GUCA1B: variants seen among roughly 807,000 people sequenced by gnomAD.
GUCA1B encodes the protein guanylate cyclase activator 1B, also known as guanylyl cyclase-activating protein 2.
Under a neutral mutation model 24.2 loss-of-function variants are expected in GUCA1B, and 22 were observed. The ratio of observed to expected loss-of-function variants is 0.91; its 90% confidence interval spans 0.65 to 1.30. The LOEUF (loss-of-function observed/expected upper bound fraction) is 1.30. GUCA1B is among the 50% of genes most tolerant of loss of function. The pLI is 0.00. For synonymous variants in GUCA1B, 100 were observed against 97.9 expected (o/e 1.02, Z -0.13); for missense variants, 221 against 258.8 (o/e 0.85, Z 1.00).
At chr6:42,192,924 G>C (rs931032901) in intron 1 of GUCA1B, among the ~76,000 whole-genome samples, 1 of 151,806 alleles carries the variant, frequency 6.6e-6, no homozygotes, top group Non-Finnish European at 1.5e-5. Flanking sequence ...AGGGATAAAC[G>C]GGCATGATAT....
rs1386007227 is a variant in GUCA1B at position 42,194,794 on chromosome 6, C to T, written c.27G>A (p.Glu9=). The T allele has an allele frequency of 3.2e-6, 5 of 1,573,914 alleles. No homozygotes were observed. Among genetic ancestry groups the T allele is most frequent in the Non-Finnish European group, 4.3e-6 (5 of 1,159,516 alleles). The change falls in exon 1 of 4, where the codon GAG becomes GAA. Residue 9 remains glutamate (E), a synonymous_variant. Coordinates refer to ENST00000230361, the MANE Select transcript of GUCA1B (RefSeq NM_002098.6). ...CATCTATCTCGCCAGCTGCCTCCGC[C>T]TCCTCCCAGCTAAACTCCTGCCCCA... The part of the protein sequence containing the change: MGQEFSWE[E]AEAAGEIDVA...
chr6:42,190,516 T>C (rs1177884866), intron 1 of GUCA1B, among the ~76,000 whole-genome samples: 2 of 152,106 alleles, frequency 1.3e-5, no homozygotes, highest in Non-Finnish European at 2.9e-5. Context: ...CACTTAGCAA[T>C]GGTTGTCAGT....
rs756486861 is a variant in GUCA1B, at chr6:42,188,720, G to A, written c.219C>T (p.Ile73=). The A allele has an allele frequency of 8.1e-6, 13 of 1,613,676 alleles. No individual in the cohort carries two copies. The Admixed American group carries it at 8.3e-5, about 10-fold the overall frequency. ...GAGCTGCCACGTACTCCAGGAAGTCGATGGTGTTGTCCTGCATTAGATGTG... is the reference window on the plus strand; with the variant it reads ...GAGCTGCCACGTACTCCAGGAAGTCAATGGTGTTGTCCTGCATTAGATGTG... The part of the protein sequence containing the change: ...RAFDKNGDNT[I]DFLEYVAALN... The change falls in exon 2 of 4, where the codon ATC becomes ATT. Residue 73 remains isoleucine (I), a synonymous_variant. Transcript: ENST00000230361.
chr6:42,188,160 A>G lies in GUCA1B; in HGVS notation c.357+422T>C, dbSNP rs116184957. On this transcript the variant is annotated intron_variant, in intron 2 of 3. Transcript: ENST00000230361. The stretch of plus-strand genomic sequence containing the variant: ...TGCACCCAGCTTCTGTTTCCAAAAT[A>G]TATGCATTTTAAGTCTTATTTTCTA... Among the ~76,000 whole-genome samples the G allele has an allele frequency of 3.3e-3, 500 of 152,252 alleles. 4 individuals are homozygous for G. The highest frequency in any genetic ancestry group is 8.5e-3 in the South Asian group (41 of 4,826).
intron 1 of GUCA1B, among the ~76,000 whole-genome samples, chr6:42,191,487 G>A (rs1582333808): frequency 6.6e-6 from 1 of 152,166 alleles, no homozygotes; most frequent in African/African-American, 2.4e-5. Context: ...ATGGAGTCAG[G>A]TGTAGGTTTG....
chr6:42,194,701 A>T lies in GUCA1B; in HGVS notation c.120T>A (p.His40Gln). The change falls in exon 1 of 4, where the codon CAT (histidine) becomes CAA (glutamine). Residue 40 changes from histidine (H) to glutamine (Q), a missense_variant. By Grantham distance (24) the His-to-Gln change is conservative. Transcript: ENST00000230361. ...MECPSGTLFM[H>Q]EFKRFFKVTD... ...TGACCTTGAAGAAGCGCTTAAACTCATGCATAAAGAGTGTGCCGCTGGGGC... is the reference window on the plus strand; with the variant it reads ...TGACCTTGAAGAAGCGCTTAAACTCTTGCATAAAGAGTGTGCCGCTGGGGC... 1 of 1,613,298 alleles carries T rather than the reference A, an allele frequency of 6.2e-7. No individual in the cohort carries two copies. Among genetic ancestry groups the T allele is most frequent in the Non-Finnish European group, 8.5e-7 (1 of 1,179,262 alleles).
rs532491358 is a variant in GUCA1B at position 42,194,849 on chromosome 6, G to C, written c.-29C>G. 3 of 1,493,702 alleles carry C rather than the reference G, an allele frequency of 2.0e-6. No individual in the cohort carries two copies. In the South Asian group the frequency reaches 3.6e-5, roughly 18 times the overall value. The allele number at this position is 1,493,702 out of a possible 1,614,324, so 92.5% of individuals were successfully genotyped here. A position where few individuals can be genotyped will look rare whatever the true frequency, so the allele number is the denominator to read the frequency against. On this transcript the variant is annotated 5_prime_UTR_variant, in exon 1 of 4. Coordinates refer to ENST00000230361, the MANE Select transcript of GUCA1B (RefSeq NM_002098.6). ...AGCCCTGAGGAGCATCAGGGAGCAA[G>C]GGTCTGTATCTCCTCCCTGGCTTCT...
intron 2 of GUCA1B, among the ~76,000 whole-genome samples, chr6:42,188,293 C>CGTGTGTGTGTGTGTGT (rs151241798): frequency 7.0e-6 from 1 of 143,584 alleles, no homozygotes; most frequent in Non-Finnish European, 1.5e-5. Flanking sequence ...AGATACTTGT[C>CGTGTGTGTGTGTGTGT]GTGTGTGTGT....
chr6:42,192,381 GAGAGA>G (rs1768324114), intron 1 of GUCA1B, among the ~76,000 whole-genome samples: 6 of 8,944 alleles, frequency 6.7e-4, no homozygotes, highest in African/African-American at 2.1e-3. Flanking sequence ...AAAAAAAAAA[GAGAGA>G]AAAGAAAAGA....
chr6:42,191,310 G>A (rs1768301647), intron 1 of GUCA1B, among the ~76,000 whole-genome samples: 2 of 152,112 alleles, frequency 1.3e-5, no homozygotes. Flanking sequence ...GAGTTGCAAG[G>A]GAGAGTGGCA....
chr6:42,192,735 T>A (rs1240406504), intron 1 of GUCA1B, among the ~76,000 whole-genome samples: 8 of 151,432 alleles, frequency 5.3e-5, no homozygotes, highest in African/African-American at 9.7e-5. Flanking sequence ...AAATAAATAA[T>A]ACAAAAATTA....
At position 42,190,774 on chromosome 6, in the gene GUCA1B, G is replaced by A. The variant is rs374290384; in HGVS notation, c.208-2043C>T. 4.2e-4 allele frequency among the ~76,000 whole-genome samples: 64 copies of A among 152,250 alleles called. 1 individual carries two copies. Among genetic ancestry groups the A allele is most frequent in the African/African-American group, 1.5e-3 (63 of 41,550 alleles). On this transcript the variant is annotated intron_variant, in intron 1 of 3. Coordinates refer to ENST00000230361, the MANE Select transcript of GUCA1B (RefSeq NM_002098.6). ...AGATCTATTTCTGTCCAGCAAATAA[G>A]CCTAGTGCTTGGGGGTGCCAAGAGA...
chr6:42,191,180 G>T (rs1316919239), intron 1 of GUCA1B, among the ~76,000 whole-genome samples: 1 of 152,066 alleles, frequency 6.6e-6, no homozygotes, highest in African/African-American at 2.4e-5. Flanking sequence ...GTTTCTCCTT[G>T]AATTGGCCAT....
At chr6:42,185,534 T>G in intron 3 of GUCA1B, 146 bp downstream of exon 3, 2 of 688,520 alleles carry the variant, frequency 2.9e-6, no homozygotes, top group Non-Finnish European at 5.3e-6. Context: ...TGAGTCCCTT[T>G]GTTAGTTCAT....
intron 1 of GUCA1B, among the ~76,000 whole-genome samples, chr6:42,192,644 G>A (rs2113848494): frequency 6.6e-6 from 1 of 152,216 alleles, no homozygotes; most frequent in Non-Finnish European, 1.5e-5. Flanking sequence ...CTCAGGAGGT[G>A]GAGATTGCAG....
At position 42,184,080 on chromosome 6, in the gene GUCA1B, CCTTTT is replaced by C. The variant is rs1453905919; in HGVS notation, c.*730_*734del. 4.6e-5 allele frequency among the ~76,000 whole-genome samples: 7 copies of C among 151,702 alleles called. No individual in the cohort carries two copies. Among genetic ancestry groups the C allele is most frequent in the African/African-American group, 1.2e-4 (5 of 41,268 alleles). On this transcript the variant is annotated 3_prime_UTR_variant, in exon 4 of 4. Coordinates refer to ENST00000230361, the MANE Select transcript of GUCA1B (RefSeq NM_002098.6). ...TGCCCCCTGCCCCCCAAAACTCCTG[CCTTTT>C]CTTTTCTTTCTTTTTTTTTTTTTGA...
intron 1 of GUCA1B, among the ~76,000 whole-genome samples, chr6:42,190,079 G>T (rs7764278): frequency 0.24 from 36,425 of 152,074 alleles, 4,677 homozygotes; most frequent in African/African-American, 0.33. Context: ...AGATCAAGGG[G>T]TGCCTCAGTG....
intron 2 of GUCA1B, 86 bp from the exon 3 acceptor site, chr6:42,185,883 C>A: frequency 1.2e-6 from 1 of 813,760 alleles, no homozygotes; most frequent in South Asian, 1.3e-5. Flanking sequence ...AGCACCACTT[C>A]CCCAGTGCTG....
At chr6:42,189,166 A>C (rs555461382) in intron 1 of GUCA1B, among the ~76,000 whole-genome samples, 1 of 152,264 alleles carries the variant, frequency 6.6e-6, no homozygotes, top group East Asian at 1.9e-4. Context: ...CCCCTCCTCC[A>C]GGAAGCCTTT....
Sources: gnomAD v4.1 joint callset for allele counts (sites outside exome capture counted in the v4.1 genomes callset) on GRCh38, gnomAD v4.1.1 for gene constraint, MANE v1.5 for transcripts, NCBI Gene and HGNC (gene_info 2026-07-23, HGNC 2026-07-21) for gene names.